The following SAMD12 variants were observed in gnomAD, a reference collection of about 807,000 sequenced individuals.
The protein encoded by SAMD12 is sterile alpha motif domain containing 12.
A neutral mutation model predicts 15.0 loss-of-function variants in SAMD12; 9 were observed. That is an observed-to-expected ratio of 0.60 (90% CI 0.36 to 1.05). The LOEUF (loss-of-function observed/expected upper bound fraction) is 1.05. Among genes scored for constraint, SAMD12 ranks in the 50% least tolerant of loss-of-function variants. The pLI, the probability that SAMD12 is intolerant of heterozygous loss-of-function variation, is 0.01. For synonymous variants in SAMD12, 86 were observed against 90.1 expected, an observed-to-expected ratio of 0.96 and a Z score of 0.25; for missense variants, 230 against 234.2, an observed-to-expected ratio of 0.98 and a Z score of 0.12.
In SAMD12 at chr8:118,380,472, C is replaced by A. The variant is rs181974352; in HGVS notation, c.323-772G>T. Reference sequence around the variant, plus strand: ...CTGGCATGGCCTCTCTTCAACCTTTCTTTCCCTGTATACTTCTCTTCCTAC... The same window carrying A: ...CTGGCATGGCCTCTCTTCAACCTTTATTTCCCTGTATACTTCTCTTCCTAC... On this transcript the variant is annotated intron_variant, in intron 3 of 3. Transcript: ENST00000314727. Among the ~76,000 whole-genome samples the A allele has an allele frequency of 6.6e-5, 10 of 152,316 alleles. No individual in the cohort carries two copies. The East Asian group carries it at 1.9e-3, about 29-fold the overall frequency.
intron 2 of SAMD12, among the ~76,000 whole-genome samples, chr8:118,509,093 G>T (rs1270772627): frequency 2.0e-5 from 3 of 152,124 alleles, no homozygotes; most frequent in Non-Finnish European, 4.4e-5. Flanking sequence ...TTCAGTAATT[G>T]CCTGGTAAAA....
intron 2 of SAMD12, among the ~76,000 whole-genome samples, chr8:118,568,589 C>G (rs760249367): frequency 6.6e-6 from 1 of 152,092 alleles, no homozygotes; most frequent in African/African-American, 2.4e-5. Flanking sequence ...GTGAGAAAAA[C>G]AAAATTGAGC....
downstream of SAMD12, among the ~76,000 whole-genome samples, chr8:118,188,261 G>T (rs1406168883): frequency 6.6e-6 from 1 of 152,100 alleles, no homozygotes; most frequent in African/African-American, 2.4e-5. Flanking sequence ...GATCCCAAAA[G>T]GTTAAGACAA....
At position 118,580,870 on chromosome 8, in the gene SAMD12, G is replaced by A. The variant is rs202070298; in HGVS notation, c.37C>T (p.Arg13Trp). The A allele has an allele frequency of 1.9e-5, 30 of 1,612,066 alleles. No homozygotes were observed. Among genetic ancestry groups the A allele is most frequent in the Middle Eastern group, 3.3e-4 (2 of 6,046 alleles). ...VEALHCGLNP[R>W]GIDHPAHAEG... ...GCATGGGCAGGGTGATCAATACCCCGTGGATTCAAACCACAGTGGAGAGCT... is the reference window on the plus strand; with the variant it reads ...GCATGGGCAGGGTGATCAATACCCCATGGATTCAAACCACAGTGGAGAGCT... Residue 13 changes from arginine to tryptophan, a missense_variant, in exon 2 of 4, where the codon CGG becomes TGG. Arg to Trp is a moderately radical substitution (Grantham distance 101, BLOSUM62 -3). Coordinates refer to ENST00000314727, the MANE Select transcript of SAMD12 (RefSeq NM_207506.3).
intron 3 of SAMD12, among the ~76,000 whole-genome samples, chr8:118,406,605 T>C (rs1004248801): frequency 3.3e-5 from 5 of 152,142 alleles, no homozygotes; most frequent in African/African-American, 9.7e-5. Context: ...AACTCAGTAG[T>C]GTTAACTATA....
chr8:118,241,624 G>T (rs913631728), intron 4 of SAMD12, among the ~76,000 whole-genome samples: 3 of 152,124 alleles, frequency 2.0e-5, no homozygotes, highest in Non-Finnish European at 4.4e-5. Context: ...TTGCCTGTTT[G>T]TTGTGGCGTG....
intron 1 of SAMD12, among the ~76,000 whole-genome samples, chr8:118,586,859 T>A (rs948440970): frequency 2.0e-5 from 3 of 152,230 alleles, no homozygotes; most frequent in Non-Finnish European, 2.9e-5. Context: ...AAGATACTGA[T>A]TGAATCCTAC....
intron 4 of SAMD12, among the ~76,000 whole-genome samples, chr8:118,294,936 A>C (rs1331794772): frequency 6.6e-6 from 1 of 152,194 alleles, no homozygotes; most frequent in Non-Finnish European, 1.5e-5. Context: ...AATTGTCAAC[A>C]AAGTTTAGAA....
Position 118,529,698 on chromosome 8 carries a change from T to C in SAMD12, c.192+51017A>G, listed in dbSNP as rs541953825. Among the ~76,000 whole-genome samples the C allele has an allele frequency of 2.0e-5, 3 of 152,340 alleles. No homozygotes were observed. In the South Asian group the frequency reaches 6.2e-4, roughly 32 times the overall value. Reference sequence around the variant, plus strand: ...ACTTAGACTATGGCTTCCAGTTCCATTCATCTTGCTGCAAAAGCCATAATT... The same window carrying C: ...ACTTAGACTATGGCTTCCAGTTCCACTCATCTTGCTGCAAAAGCCATAATT... On this transcript the variant is annotated intron_variant, in intron 2 of 3. Coordinates refer to ENST00000314727, the MANE Select transcript of SAMD12 (RefSeq NM_207506.3).
At chr8:118,258,633 T>A (rs1355646498) in intron 4 of SAMD12, among the ~76,000 whole-genome samples, 1 of 152,070 alleles carries the variant, frequency 6.6e-6, no homozygotes, top group Non-Finnish European at 1.5e-5. Context: ...GATTTCTACA[T>A]GGAAGCAGGA....
the SAMD12 span, among the ~76,000 whole-genome samples, chr8:118,142,845 G>A: frequency 6.6e-6 from 1 of 152,136 alleles, no homozygotes; most frequent in Non-Finnish European, 1.5e-5. Flanking sequence ...AGAGCTAATG[G>A]CGGTGAGGAA....
At chr8:118,150,352 A>G in the SAMD12 span, among the ~76,000 whole-genome samples, 1 of 152,106 alleles carries the variant, frequency 6.6e-6, no homozygotes, top group African/African-American at 2.4e-5. Context: ...TCTACATGTT[A>G]TAAATATTAC....
chr8:118,202,716 C>A (rs923280619), intron 4 of SAMD12, among the ~76,000 whole-genome samples: 7 of 152,162 alleles, frequency 4.6e-5, no homozygotes, highest in African/African-American at 1.4e-4. Flanking sequence ...CAGTGTCTTC[C>A]CTTCAGAAAG....
intron 4 of SAMD12, among the ~76,000 whole-genome samples, chr8:118,342,874 A>G (rs771851217): frequency 2.0e-4 from 31 of 152,204 alleles, no homozygotes; most frequent in Non-Finnish European, 4.3e-4. Context: ...GGGCACAGCT[A>G]TAGTCAGGAT....
At chr8:118,164,280 T>C in the SAMD12 span, among the ~76,000 whole-genome samples, 1 of 152,206 alleles carries the variant, frequency 6.6e-6, no homozygotes, top group Admixed American at 6.5e-5. Flanking sequence ...AAAGAGAAAA[T>C]GTAATTTTGA....
the SAMD12 span, among the ~76,000 whole-genome samples, chr8:118,167,322 T>A: frequency 6.6e-6 from 1 of 152,014 alleles, no homozygotes; most frequent in Non-Finnish European, 1.5e-5. Context: ...TGGTGTGCAC[T>A]CCAGGAGGCT....
intron 2 of SAMD12, among the ~76,000 whole-genome samples, chr8:118,512,679 C>G (rs184056656): frequency 6.6e-6 from 1 of 152,306 alleles, no homozygotes; most frequent in Non-Finnish European, 1.5e-5. Context: ...ACACTGTCCC[C>G]TTATTTCTAA....
intron 4 of SAMD12, among the ~76,000 whole-genome samples, chr8:118,245,564 A>T (rs939525114): frequency 1.1e-4 from 16 of 152,168 alleles, no homozygotes; most frequent in Non-Finnish European, 2.9e-5. Flanking sequence ...AACATTTCAT[A>T]GAGTGAAGAA....
chr8:118,305,550 T>C (rs554934452), intron 4 of SAMD12, among the ~76,000 whole-genome samples: 1 of 152,364 alleles, frequency 6.6e-6, no homozygotes, highest in East Asian at 1.9e-4. Flanking sequence ...TTTGGGCTGT[T>C]TCCACCTTTT....
Sources: gnomAD v4.1 joint callset for allele counts (sites outside exome capture counted in the v4.1 genomes callset) on GRCh38, gnomAD v4.1.1 for gene constraint, MANE v1.5 for transcripts, NCBI Gene and HGNC (gene_info 2026-07-23, HGNC 2026-07-21) for gene names.